Variants in AP4E1 observed in about 807,000 individuals in gnomAD.
The protein encoded by AP4E1 is AP-4 complex subunit epsilon-1.
In AP4E1, 56 loss-of-function variants were observed where a neutral mutation model predicts 128.2. The ratio of observed to expected loss-of-function variants is 0.44; its 90% CI spans 0.35 to 0.55. The LOEUF (loss-of-function observed/expected upper bound fraction) is 0.55. AP4E1 is among the 20% of genes least tolerant of loss of function. The pLI, the probability that AP4E1 is intolerant of heterozygous loss-of-function variation, is 0.00. For missense variants in AP4E1, 1,324 were observed against 1,307.7 expected, an observed-to-expected ratio of 1.01 and a Z score of -0.19; for synonymous variants, 484 against 473.1, an observed-to-expected ratio of 1.02 and a Z score of -0.30.
intron 6 of AP4E1, among the ~76,000 whole-genome samples, chr15:50,929,957 C>G (rs1049146430): frequency 3.3e-5 from 5 of 151,814 alleles, no homozygotes; most frequent in Middle Eastern, 6.9e-3. Context: ...TATAATTTCC[C>G]CAGTCCAAGA....
chr15:50,975,823 T>A (rs2064542710), intron 15 of AP4E1, among the ~76,000 whole-genome samples: 1 of 152,188 alleles, frequency 6.6e-6, no homozygotes. Flanking sequence ...AATGAATTAA[T>A]ATTGGGGCTG....
At chr15:50,961,797 A>G (rs994222295) in intron 14 of AP4E1, among the ~76,000 whole-genome samples, 23 of 152,176 alleles carry the variant, frequency 1.5e-4, no homozygotes, top group African/African-American at 5.5e-4. Context: ...TAAACTGGAA[A>G]AGAGGAAGTC....
intron 14 of AP4E1, 35 bp downstream of exon 14, chr15:50,958,829 C>A: frequency 1.3e-6 from 2 of 1,599,422 alleles, no homozygotes; most frequent in Non-Finnish European, 1.7e-6. Flanking sequence ...TTAAAAATTG[C>A]GTTGTCATTA....
intron 3 of AP4E1, among the ~76,000 whole-genome samples, chr15:50,921,235 C>T (rs898634861): frequency 1.3e-5 from 2 of 152,130 alleles, no homozygotes; most frequent in Non-Finnish European, 2.9e-5. Flanking sequence ...AGCAGTCCTC[C>T]CACCTTGGCC....
intron 10 of AP4E1, among the ~76,000 whole-genome samples, chr15:50,943,704 T>C (rs1483133469): frequency 3.3e-5 from 5 of 152,192 alleles, no homozygotes; most frequent in African/African-American, 1.2e-4. Flanking sequence ...ATACACCCAT[T>C]GGATGCCTGA....
chr15:51,003,583 C>T lies in AP4E1; in HGVS notation c.*921C>T, dbSNP rs2140942309. 1 of 152,672 alleles carries T rather than the reference C, an allele frequency of 6.5e-6. No individual in the cohort carries two copies. The highest frequency in any genetic ancestry group is 2.4e-5 in the African/African-American group (1 of 41,566). 9.5% of individuals were successfully genotyped at this position (152,672 alleles called of 1,614,324 possible). Reference sequence around the variant, plus strand: ...TTAATGGATATAGCTGAAGCAGAGACTAAGTATAACATACAGGTTCTTCAG... The same window carrying T: ...TTAATGGATATAGCTGAAGCAGAGATTAAGTATAACATACAGGTTCTTCAG... On this transcript the variant is annotated 3_prime_UTR_variant, in exon 21 of 21. Coordinates refer to ENST00000261842, the MANE Select transcript of AP4E1 (RefSeq NM_007347.5).
chr15:50,920,532 G>C (rs1399987421), intron 3 of AP4E1, among the ~76,000 whole-genome samples: 1 of 150,162 alleles, frequency 6.7e-6, no homozygotes, highest in Admixed American at 6.6e-5. Flanking sequence ...TAAGCCTCTC[G>C]AGTAGCTGAG....
At chr15:50,951,531 T>C (rs906962041) in intron 13 of AP4E1, among the ~76,000 whole-genome samples, 1 of 152,174 alleles carries the variant, frequency 6.6e-6, no homozygotes, top group African/African-American at 2.4e-5. Flanking sequence ...GGTGAGTGTT[T>C]CTTTAGGGGA....
rs907572759 is a variant in AP4E1 at position 51,003,257 on chromosome 15, G to C, written c.*595G>C. 5 of 152,336 alleles carry C rather than the reference G, an allele frequency of 3.3e-5. No individual in the cohort carries two copies. Among genetic ancestry groups the C allele is most frequent in the African/African-American group, 1.2e-4 (5 of 40,964 alleles). The allele number at this position is 152,336 out of a possible 1,614,324, so 9.4% of individuals were successfully genotyped here. On this transcript the variant is annotated 3_prime_UTR_variant, in exon 21 of 21. Transcript: ENST00000261842. ...AATCTGTGATCTATTTTTTATTATA[G>C]ATAACTGTTACACATAATTTCAGAT...
intron 16 of AP4E1, among the ~76,000 whole-genome samples, chr15:50,987,622 T>A (rs567575441): frequency 6.8e-4 from 103 of 152,250 alleles, no homozygotes; most frequent in African/African-American, 2.2e-3. Flanking sequence ...TTTGAGTGAG[T>A]TTCTTAATCC....
chr15:50,977,895 C>T (rs1026620179), intron 15 of AP4E1, among the ~76,000 whole-genome samples: 6 of 151,526 alleles, frequency 4.0e-5, no homozygotes, highest in African/African-American at 9.7e-5. Context: ...TTTTTAGTAG[C>T]GATGACGTTT....
chr15:50,913,074 C>G (rs1170151896), intron 2 of AP4E1, among the ~76,000 whole-genome samples: 1 of 152,016 alleles, frequency 6.6e-6, no homozygotes, highest in Non-Finnish European at 1.5e-5. Context: ...TCCCTCCCTG[C>G]CAGTAAAAAT....
chr15:50,957,320 T>A (rs2140875755), intron 13 of AP4E1, among the ~76,000 whole-genome samples: 1 of 152,200 alleles, frequency 6.6e-6, no homozygotes, highest in African/African-American at 2.4e-5. Context: ...GCTGGATTCT[T>A]CTTTGAAGTT....
chr15:50,923,956 A>G lies in AP4E1; in HGVS notation c.372A>G (p.Leu124=), dbSNP rs761412764. The G allele has an allele frequency of 3.1e-6, 5 of 1,612,100 alleles. No individual in the cohort carries two copies. In the South Asian group the frequency reaches 3.3e-5, roughly 11 times the overall value. Residue 124 remains leucine (L), a synonymous_variant, in exon 4 of 21, where the codon CTA becomes CTG. Coordinates refer to ENST00000261842, the MANE Select transcript of AP4E1 (RefSeq NM_007347.5). The part of the protein sequence containing the change: ...RVGYLAVSLF[L]HESHELLLLL... ...GTTATTTGGCTGTTTCCTTATTTCT[A>G]CATGAAAGTCATGAATTATTGCTTC...
intron 3 of AP4E1, among the ~76,000 whole-genome samples, chr15:50,920,580 G>C (rs1248520653): frequency 6.9e-6 from 1 of 144,052 alleles, no homozygotes; most frequent in Non-Finnish European, 1.5e-5. Context: ...CTAATTTTTT[G>C]GTAGGGACGG....
intron 15 of AP4E1, among the ~76,000 whole-genome samples, chr15:50,977,726 T>TTTTTTTC (rs2064577453): frequency 6.7e-6 from 1 of 149,760 alleles, no homozygotes. Context: ...TTTTTTTTTT[T>TTTTTTTC]AGACAGAGTC....
intron 3 of AP4E1, 178 bp downstream of exon 3, chr15:50,915,749 TG>T: frequency 1.4e-6 from 1 of 724,132 alleles, no homozygotes; most frequent in Non-Finnish European, 2.2e-6. Context: ...TCAGTTTTCC[TG>T]ATGCATAGCA....
Position 50,934,625 on chromosome 15 carries a change from A to G in AP4E1, c.871A>G (p.Thr291Ala). ...GCAAATAAAATATCTTTTAAACAGG[A>G]CAAGTGAATTAATGTATGATGTTCT... The part of the protein sequence containing the change: ...LGLLGKDDQR[T>A]SELMYDVLDE... Residue 291 changes from threonine to alanine, a missense_variant and splice_region_variant, in exon 8 of 21, where the codon ACA (threonine) becomes GCA (alanine). Physicochemically the swap from Thr to Ala is moderately conservative, Grantham distance 58 (BLOSUM62 0). Coordinates refer to ENST00000261842, the MANE Select transcript of AP4E1 (RefSeq NM_007347.5). The G allele has an allele frequency of 6.2e-7, 1 of 1,602,378 alleles. No individual in the cohort carries two copies. Among genetic ancestry groups the G allele is most frequent in the Non-Finnish European group, 8.5e-7 (1 of 1,169,970 alleles).
In AP4E1 at chr15:50,997,429, C is replaced by A. The variant is rs376025300; in HGVS notation, c.2450C>A (p.Ser817Tyr). 11 of 1,613,418 alleles carry A rather than the reference C, an allele frequency of 6.8e-6. No homozygotes were observed. Among genetic ancestry groups the A allele is most frequent in the Non-Finnish European group, 7.6e-6 (9 of 1,179,760 alleles). The change falls in exon 18 of 21, where the codon TCC becomes TAC. Residue 817 changes from serine (S) to tyrosine (Y), a missense_variant. By Grantham distance (144) the Ser-to-Tyr change is moderately radical. Transcript: ENST00000261842. The part of the protein sequence containing the change: ...TTSTHNMTCS[S>Y]FSSLSNVAYE... ...AGTACTCATAATATGACCTGTTCTT[C>A]CTTTAGTTCTTTGTCAAATGTGGCA...
Sources: gnomAD v4.1 joint callset for allele counts (sites outside exome capture counted in the v4.1 genomes callset) on GRCh38, gnomAD v4.1.1 for gene constraint, MANE v1.5 for transcripts, NCBI Gene and HGNC (gene_info 2026-07-23, HGNC 2026-07-21) for gene names.